TRAK2: variants seen among roughly 807,000 people sequenced by gnomAD.
The protein encoded by TRAK2 is trafficking kinesin-binding protein 2.
Under a neutral mutation model 104.6 loss-of-function variants are expected in TRAK2, and 81 were observed. That is an observed-to-expected ratio of 0.77 (90% CI 0.65 to 0.93). TRAK2 has a LOEUF of 0.93. Among genes scored for constraint, TRAK2 ranks in the 40% least tolerant of loss-of-function variants. TRAK2 has a pLI of 0.00. For synonymous variants in TRAK2, 406 were observed against 394.4 expected, an observed-to-expected ratio of 1.03 and a Z score of -0.35; for missense variants, 1,002 against 1,089.0, an observed-to-expected ratio of 0.92 and a Z score of 1.12.
chr2:201,425,589 T>C (rs889781111), intron 1 of TRAK2, among the ~76,000 whole-genome samples: 1 of 151,998 alleles, frequency 6.6e-6, no homozygotes, highest in Non-Finnish European at 1.5e-5. Context: ...TTAGTAGAGA[T>C]GGGGTTTCAC....
chr2:201,392,657 C>T (rs1450218241), intron 10 of TRAK2, among the ~76,000 whole-genome samples: 1 of 152,110 alleles, frequency 6.6e-6, no homozygotes, highest in Non-Finnish European at 1.5e-5. Context: ...CAGTCCTAAA[C>T]TGAATTTCCT....
At chr2:201,406,796 CTTCAAAGT>C (rs1418714038) in intron 3 of TRAK2, among the ~76,000 whole-genome samples, 1 of 152,206 alleles carries the variant, frequency 6.6e-6, no homozygotes, top group Non-Finnish European at 1.5e-5. Context: ...GGTCTCCACA[CTTCAAAGT>C]TTAAAAATTC....
chr2:201,417,162 A>G (rs952711693), intron 2 of TRAK2, among the ~76,000 whole-genome samples: 8 of 151,246 alleles, frequency 5.3e-5, no homozygotes, highest in East Asian at 3.9e-4. Flanking sequence ...ACTTTTTCCA[A>G]ACACAGAGAA....
chr2:201,405,064 T>C (rs1056322626), intron 3 of TRAK2, among the ~76,000 whole-genome samples: 94 of 152,232 alleles, frequency 6.2e-4, no homozygotes, highest in Admixed American at 1.6e-3. Context: ...ACAAAGCTAG[T>C]ACATGATGCA....
chr2:201,433,286 C>T (rs1047156806), intron 1 of TRAK2, among the ~76,000 whole-genome samples: 6 of 152,144 alleles, frequency 3.9e-5, no homozygotes, highest in Admixed American at 1.3e-4. Context: ...GCACCGATGC[C>T]GCGGGAAAGC....
intron 7 of TRAK2, among the ~76,000 whole-genome samples, chr2:201,396,391 A>G (rs1040943405): frequency 2.0e-5 from 3 of 152,124 alleles, no homozygotes; most frequent in Non-Finnish European, 1.5e-5. Flanking sequence ...AATTGATGTG[A>G]TATTTTCATA....
chr2:201,436,837 G>A (rs986356486), intron 1 of TRAK2, among the ~76,000 whole-genome samples: 4 of 152,186 alleles, frequency 2.6e-5, no homozygotes, highest in South Asian at 4.1e-4. Context: ...GCACCAGGAC[G>A]TGCAATCTTA....
intron 2 of TRAK2, among the ~76,000 whole-genome samples, chr2:201,409,279 CTT>C (rs35095618): frequency 1.7e-3 from 240 of 143,396 alleles, no homozygotes; most frequent in Non-Finnish European, 2.8e-3. Flanking sequence ...TCAATGTCAG[CTT>C]TTTTTTTTTT....
intron 9 of TRAK2, 59 bp from the exon 10 acceptor site, chr2:201,393,105 A>C: frequency 6.6e-7 from 1 of 1,519,460 alleles, no homozygotes; most frequent in Non-Finnish European, 8.8e-7. Context: ...TAGGGAAAAA[A>C]AACCCGAAAC....
At chr2:201,450,071 G>A (rs776853293) in intron 1 of TRAK2, among the ~76,000 whole-genome samples, 1 of 152,022 alleles carries the variant, frequency 6.6e-6, no homozygotes, top group Non-Finnish European at 1.5e-5. Context: ...CTTTCACATG[G>A]TATGTGCTTG....
intron 1 of TRAK2, among the ~76,000 whole-genome samples, chr2:201,425,079 G>C (rs1203242611): frequency 2.0e-5 from 3 of 152,172 alleles, no homozygotes; most frequent in South Asian, 4.1e-4. Context: ...ATTGTCAATT[G>C]GTTGCTTTCA....
chr2:201,407,371 G>A, intron 3 of TRAK2, 32 bp downstream of exon 3: 1 of 1,572,454 alleles, frequency 6.4e-7, no homozygotes, highest in Admixed American at 1.8e-5. Flanking sequence ...TTACTTTAAT[G>A]CACAAACTAA....
At chr2:201,432,085 T>C (rs1221550412) in intron 1 of TRAK2, among the ~76,000 whole-genome samples, 1 of 152,242 alleles carries the variant, frequency 6.6e-6, no homozygotes, top group African/African-American at 2.4e-5. Flanking sequence ...TTATTATTAT[T>C]GTTATTGTAC....
At chr2:201,435,944 T>G (rs1395871296) in intron 1 of TRAK2, among the ~76,000 whole-genome samples, 1 of 152,154 alleles carries the variant, frequency 6.6e-6, no homozygotes, top group Non-Finnish European at 1.5e-5. Context: ...AACCTTCACA[T>G]GCAACTGAAG....
rs752736221 is a variant in TRAK2, at chr2:201,380,565, AT to A, written c.2722del (p.Met908TrpfsTer4). The A allele has an allele frequency of 1.2e-6, 2 of 1,613,836 alleles. No homozygotes were observed. Among genetic ancestry groups the A allele is most frequent in the East Asian group, 4.5e-5 (2 of 44,870 alleles). Reference protein sequence around the residue: ...AAPVCTSSPKMGVLKED With the variant: ...AAPVCTSSPKXGVLKED ...ACCTCAGTCCTCCTTCAGGACACCC[AT>A]TTTGGGTGAGGATGTGCAAACTGGG... On this transcript the variant is annotated frameshift_variant, in exon 16 of 16. Transcript: ENST00000332624. LOFTEE classifies it high-confidence loss of function.
intron 12 of TRAK2, 96 bp downstream of exon 12, chr2:201,389,204 C>T: frequency 8.3e-7 from 1 of 1,209,708 alleles, no homozygotes; most frequent in Admixed American, 1.7e-5. Context: ...CCAGAACCTT[C>T]TTGGGACAGT....
At chr2:201,413,009 A>G (rs1338145812) in intron 2 of TRAK2, 9 of 776,758 alleles carry the variant, frequency 1.2e-5, no homozygotes, top group Non-Finnish European at 2.1e-5. Context: ...CTGGACAGTA[A>G]GAAGTCGAGG....
At chr2:201,442,070 G>T (rs1225318966) in intron 1 of TRAK2, among the ~76,000 whole-genome samples, 1 of 151,634 alleles carries the variant, frequency 6.6e-6, no homozygotes, top group African/African-American at 2.4e-5. Context: ...CCAAAGAGAG[G>T]TAGGTGCCTA....
intron 12 of TRAK2, among the ~76,000 whole-genome samples, chr2:201,388,381 A>T (rs1392971469): frequency 6.6e-6 from 1 of 152,212 alleles, no homozygotes; most frequent in Non-Finnish European, 1.5e-5. Context: ...TATTTTATGT[A>T]TCATAAAGAA....
Sources: gnomAD v4.1 joint callset for allele counts (sites outside exome capture counted in the v4.1 genomes callset) on GRCh38, gnomAD v4.1.1 for gene constraint, MANE v1.5 for transcripts, NCBI Gene and HGNC (gene_info 2026-07-23, HGNC 2026-07-21) for gene names.